Variants in MYO1D observed in about 807,000 individuals in gnomAD.
MYO1D encodes unconventional myosin-Id.
Under a neutral mutation model 122.0 loss-of-function variants are expected in MYO1D, and 83 were observed. That is an observed-to-expected ratio of 0.68 (90% CI 0.57 to 0.82). The LOEUF (loss-of-function observed/expected upper bound fraction) is 0.82. Ranked by LOEUF, MYO1D falls within the 40% of genes least tolerant of loss-of-function variation. The probability of loss-of-function intolerance (pLI) is 0.00; values close to 1 mark genes in which losing one functional copy is unlikely to be tolerated. For missense variants in MYO1D, 1,157 were observed against 1,269.5 expected (o/e 0.91, Z 1.35); for synonymous variants, 464 against 446.9 (o/e 1.04, Z -0.48).
chr17:32,656,796 T>C (rs967765988), intron 17 of MYO1D, among the ~76,000 whole-genome samples: 1 of 152,212 alleles, frequency 6.6e-6, no homozygotes, highest in Admixed American at 6.5e-5. Context: ...CAATACTCAG[T>C]GGCTTCCTAA....
intron 4 of MYO1D, among the ~76,000 whole-genome samples, chr17:32,773,250 C>G (rs1428162561): frequency 1.3e-5 from 2 of 152,216 alleles, no homozygotes; most frequent in African/African-American, 4.8e-5. Flanking sequence ...AATTTCGGCG[C>G]CACCCTTCAA....
At chr17:32,844,010 C>A (rs2090910016) in intron 1 of MYO1D, among the ~76,000 whole-genome samples, 1 of 151,140 alleles carries the variant, frequency 6.6e-6, no homozygotes, top group African/African-American at 2.4e-5. Flanking sequence ...CATATACACA[C>A]ACACACATAT....
At chr17:32,749,383 G>A (rs570640939) in intron 11 of MYO1D, among the ~76,000 whole-genome samples, 1 of 152,316 alleles carries the variant, frequency 6.6e-6, no homozygotes, top group East Asian at 1.9e-4. Flanking sequence ...AGAAGATAGA[G>A]GAAGTTTGGG....
chr17:32,549,404 G>A (rs553338221), intron 21 of MYO1D, among the ~76,000 whole-genome samples: 29 of 152,214 alleles, frequency 1.9e-4, no homozygotes, highest in East Asian at 1.9e-4. Context: ...CCTCTTAATC[G>A]TTTGTTACAA....
rs765637688 is a variant in MYO1D at position 32,780,736 on chromosome 17, A to G, written c.144T>C (p.Ser48=). ...IYTFIGEVVV[S]VNPYKLLNIY... ...TGTTCAACAACTTGTAAGGGTTCAC[A>G]GAAACGACGACTTCTCCAATGAACG... The change falls in exon 2 of 22, where the codon TCT becomes TCC. Residue 48 remains serine, a synonymous_variant. Coordinates refer to ENST00000318217, the MANE Select transcript of MYO1D (RefSeq NM_015194.3). 1 of 1,614,200 alleles carries G rather than the reference A, an allele frequency of 6.2e-7. No individual in the cohort carries two copies. Among genetic ancestry groups the G allele is most frequent in the Admixed American group, 1.7e-5 (1 of 60,032 alleles).
intron 1 of MYO1D, among the ~76,000 whole-genome samples, chr17:32,790,717 G>A (rs1598101786): frequency 6.6e-6 from 1 of 152,106 alleles, no homozygotes; most frequent in South Asian, 2.1e-4. Context: ...AGAATATATG[G>A]GTCTCAATTG....
At chr17:32,770,671 G>A (rs772178397) in intron 6 of MYO1D, among the ~76,000 whole-genome samples, 1 of 152,114 alleles carries the variant, frequency 6.6e-6, no homozygotes, top group Non-Finnish European at 1.5e-5. Flanking sequence ...ATGCCTCAAA[G>A]GTCACAAAAT....
intron 18 of MYO1D, 73 bp from the exon 19 acceptor site, chr17:32,654,020 C>G: frequency 1.7e-6 from 2 of 1,175,150 alleles, no homozygotes; most frequent in South Asian, 2.7e-5. Flanking sequence ...TTTCAGTGTA[C>G]TGCTTTATAA....
intron 21 of MYO1D, among the ~76,000 whole-genome samples, chr17:32,560,290 T>C (rs1372503699): frequency 1.3e-5 from 2 of 151,784 alleles, no homozygotes; most frequent in African/African-American, 4.8e-5. Flanking sequence ...ACAAGCTGTA[T>C]ATGCCTGATG....
chr17:32,662,399 G>A (rs2088578338), intron 16 of MYO1D, among the ~76,000 whole-genome samples: 2 of 152,202 alleles, frequency 1.3e-5, no homozygotes, highest in African/African-American at 2.4e-5. Flanking sequence ...GCAGCGGGAC[G>A]CGGTGGCTCA....
chr17:32,659,374 G>A, intron 16 of MYO1D, 36 bp from the exon 17 acceptor site: 1 of 1,598,786 alleles, frequency 6.3e-7, no homozygotes, highest in Non-Finnish European at 8.6e-7. Flanking sequence ...AAACGTTATT[G>A]ACCGGCTGAG....
intron 1 of MYO1D, among the ~76,000 whole-genome samples, chr17:32,801,194 G>C (rs1335964067): frequency 2.0e-5 from 3 of 152,132 alleles, no homozygotes; most frequent in Non-Finnish European, 4.4e-5. Flanking sequence ...ACTTAAACAA[G>C]TCTTACATCT....
intron 21 of MYO1D, among the ~76,000 whole-genome samples, chr17:32,598,799 A>T (rs1486348787): frequency 1.3e-5 from 2 of 152,266 alleles, no homozygotes; most frequent in Non-Finnish European, 2.9e-5. Context: ...GTGTGATTTA[A>T]AAAGAACATA....
At chr17:32,810,986 C>G (rs1050532081) in intron 1 of MYO1D, among the ~76,000 whole-genome samples, 5 of 152,220 alleles carry the variant, frequency 3.3e-5, no homozygotes, top group Middle Eastern at 3.4e-3. Flanking sequence ...CCTTGGCAGA[C>G]AGACAGCAAT....
intron 16 of MYO1D, among the ~76,000 whole-genome samples, chr17:32,705,322 C>G (rs1293981328): frequency 2.6e-5 from 4 of 152,070 alleles, no homozygotes; most frequent in Non-Finnish European, 5.9e-5. Context: ...TGCAGTGGCA[C>G]GATCTCAGCT....
Position 32,853,544 on chromosome 17 carries a change from A to C in MYO1D, c.95+23234T>G, listed in dbSNP as rs572111544. ...TCTGAGTTCCTGGGGCATGCCATCC[A>C]TATCTCCATCACAGCATGGATTACA... On this transcript the variant is annotated intron_variant, in intron 1 of 21. Transcript: ENST00000318217. Among the ~76,000 whole-genome samples the C allele has an allele frequency of 2.6e-4, 39 of 152,352 alleles. No homozygotes were observed. In the South Asian group the frequency reaches 6.4e-3, roughly 25 times the overall value.
chr17:32,516,857 T>C (rs970304428), intron 21 of MYO1D, among the ~76,000 whole-genome samples: 8 of 152,222 alleles, frequency 5.3e-5, no homozygotes, highest in Non-Finnish European at 5.9e-5. Flanking sequence ...GTGGATTAAA[T>C]AGACACATTT....
intron 1 of MYO1D, among the ~76,000 whole-genome samples, chr17:32,795,547 T>A (rs1450096245): frequency 6.6e-6 from 1 of 152,166 alleles, no homozygotes; most frequent in East Asian, 1.9e-4. Flanking sequence ...GCAATTCAGT[T>A]TTTTAAAAAA....
chr17:32,692,090 A>C (rs2089110244), intron 16 of MYO1D, among the ~76,000 whole-genome samples: 1 of 152,230 alleles, frequency 6.6e-6, no homozygotes, highest in Non-Finnish European at 1.5e-5. Flanking sequence ...GAAATTTTTA[A>C]AAATATAGCT....
Sources: gnomAD v4.1 joint callset for allele counts (sites outside exome capture counted in the v4.1 genomes callset) on GRCh38, gnomAD v4.1.1 for gene constraint, MANE v1.5 for transcripts, NCBI Gene and HGNC (gene_info 2026-07-23, HGNC 2026-07-21) for gene names.